GNAQ: variants seen among roughly 807,000 people sequenced by gnomAD.
GNAQ encodes the protein guanine nucleotide-binding protein G(q) subunit alpha.
A neutral mutation model predicts 43.9 loss-of-function variants in GNAQ; 8 were observed. The ratio of observed to expected loss-of-function variants is 0.18; its 90% confidence interval spans 0.11 to 0.33. The LOEUF (loss-of-function observed/expected upper bound fraction) is 0.33. Ranked by LOEUF, GNAQ falls within the 10% of genes least tolerant of loss-of-function variation. The probability of loss-of-function intolerance (pLI) is 1.00; values close to 1 mark genes in which losing one functional copy is unlikely to be tolerated. For synonymous variants in GNAQ, 155 were observed against 170.7 expected (o/e 0.91, Z 0.71); for missense variants, 158 against 450.8 (o/e 0.35, Z 5.88).
At chr9:77,990,630 A>T (rs1483667013) in intron 1 of GNAQ, among the ~76,000 whole-genome samples, 1 of 152,238 alleles carries the variant, frequency 6.6e-6, no homozygotes, top group Non-Finnish European at 1.5e-5. Context: ...TGCATATTTG[A>T]ATGCATGTAT....
At chr9:77,815,181 G>A (rs1321945322) in intron 3 of GNAQ, among the ~76,000 whole-genome samples, 1 of 152,224 alleles carries the variant, frequency 6.6e-6, no homozygotes, top group Non-Finnish European at 1.5e-5. Flanking sequence ...GATGTTTTAA[G>A]AAGCCATAAT....
intron 2 of GNAQ, among the ~76,000 whole-genome samples, chr9:77,874,133 C>CAAAAAAACA (rs1828091876): frequency 6.6e-6 from 1 of 150,868 alleles, no homozygotes; most frequent in African/African-American, 2.4e-5. Context: ...AACAAAAAAA[C>CAAAAAAACA]AAAAAAACAA....
rs535161130 is a variant in GNAQ at position 78,025,698 on chromosome 9, T to C, written c.136+5402A>G. Reference sequence around the variant, plus strand: ...CCTAACCTCCTTATAAAATGGCTTCTGTCTCTTCCAAGATGTACCCTTTGA... The same window carrying C: ...CCTAACCTCCTTATAAAATGGCTTCCGTCTCTTCCAAGATGTACCCTTTGA... On this transcript the variant is annotated intron_variant, in intron 1 of 6. Coordinates refer to ENST00000286548, the MANE Select transcript of GNAQ (RefSeq NM_002072.5). Among the ~76,000 whole-genome samples, 4 of 152,340 alleles carry C rather than the reference T, an allele frequency of 2.6e-5. No individual in the cohort carries two copies. In the East Asian group the frequency reaches 7.7e-4, roughly 29 times the overall value.
At chr9:77,882,159 C>CAAAT (rs1234381091) in intron 2 of GNAQ, among the ~76,000 whole-genome samples, 7 of 150,620 alleles carry the variant, frequency 4.6e-5, no homozygotes, top group Non-Finnish European at 1.0e-4. Flanking sequence ...CAAACACAAA[C>CAAAT]AAATAAAAAA....
chr9:77,787,058 A>G (rs1194511461), intron 5 of GNAQ, among the ~76,000 whole-genome samples: 1 of 152,234 alleles, frequency 6.6e-6, no homozygotes, highest in East Asian at 1.9e-4. Flanking sequence ...TATTGAGCAA[A>G]AGAATCTAGA....
chr9:77,981,931 T>C (rs1017588965), intron 1 of GNAQ, among the ~76,000 whole-genome samples: 1 of 152,248 alleles, frequency 6.6e-6, no homozygotes, highest in African/African-American at 2.4e-5. Flanking sequence ...TGTGGAATTA[T>C]GAATTTAACA....
chr9:77,915,644 G>A (rs907716780), intron 2 of GNAQ, among the ~76,000 whole-genome samples: 7 of 151,884 alleles, frequency 4.6e-5, no homozygotes, highest in Non-Finnish European at 1.0e-4. Flanking sequence ...TGAAGCTGGC[G>A]GGGGTGGGGG....
At chr9:77,932,963 G>C (rs773561706) in intron 1 of GNAQ, among the ~76,000 whole-genome samples, 1 of 152,138 alleles carries the variant, frequency 6.6e-6, no homozygotes, top group Non-Finnish European at 1.5e-5. Context: ...AGATGACATA[G>C]GGAGAACTCG....
intron 2 of GNAQ, among the ~76,000 whole-genome samples, chr9:77,874,128 A>AAAAACAAAAAAACAAAAAAACAAG (rs1828091487): frequency 6.6e-6 from 1 of 152,002 alleles, no homozygotes; most frequent in African/African-American, 2.4e-5. Flanking sequence ...AAAAAAACAA[A>AAAAACAAAAAAACAAAAAAACAAG]AAAACAAAAA....
intron 2 of GNAQ, among the ~76,000 whole-genome samples, chr9:77,907,487 T>TC (rs1385116352): frequency 6.6e-6 from 1 of 152,160 alleles, no homozygotes; most frequent in Non-Finnish European, 1.5e-5. Context: ...ATCTTGCCTC[T>TC]CCAATGAGAC....
chr9:77,784,425 T>C (rs1826442659), intron 5 of GNAQ, among the ~76,000 whole-genome samples: 2 of 152,328 alleles, frequency 1.3e-5, no homozygotes, highest in South Asian at 4.1e-4. Flanking sequence ...AAAAATTTTA[T>C]GTCCGTGGTT....
intron 1 of GNAQ, among the ~76,000 whole-genome samples, chr9:77,959,859 C>T (rs1384053206): frequency 5.3e-5 from 8 of 152,136 alleles, no homozygotes; most frequent in Non-Finnish European, 1.5e-5. Flanking sequence ...TCAGGCCCCC[C>T]AAAAAGGTGG....
intron 5 of GNAQ, among the ~76,000 whole-genome samples, chr9:77,746,546 TAC>T (rs1825732920): frequency 6.6e-6 from 1 of 152,054 alleles, no homozygotes; most frequent in Admixed American, 6.6e-5. Context: ...GCTAGAGATA[TAC>T]ACACACAAAG....
intron 1 of GNAQ, among the ~76,000 whole-genome samples, chr9:77,947,384 A>G (rs1822917844): frequency 6.6e-6 from 1 of 152,112 alleles, no homozygotes; most frequent in East Asian, 1.9e-4. Context: ...TCAAAACACC[A>G]CAAGCATGAC....
intron 5 of GNAQ, among the ~76,000 whole-genome samples, chr9:77,740,625 T>C (rs564718296): frequency 1.5e-3 from 234 of 152,342 alleles, no homozygotes; most frequent in African/African-American, 5.4e-3. Context: ...GGCCATGTTA[T>C]ATTATTTTTA....
chr9:77,840,598 A>C (rs2117879797), intron 2 of GNAQ, among the ~76,000 whole-genome samples: 1 of 152,256 alleles, frequency 6.6e-6, no homozygotes, highest in East Asian at 1.9e-4. Context: ...CGGCCTCCCA[A>C]AGTGCTGGGA....
intron 1 of GNAQ, among the ~76,000 whole-genome samples, chr9:77,970,837 T>A (rs962184919): frequency 6.6e-6 from 1 of 150,426 alleles, no homozygotes; most frequent in Admixed American, 6.6e-5. Context: ...TCAAAAAAAA[T>A]CAATGAATCC....
chr9:77,772,198 C>T (rs1453742384), intron 5 of GNAQ, among the ~76,000 whole-genome samples: 9 of 152,196 alleles, frequency 5.9e-5, no homozygotes, highest in Non-Finnish European at 8.8e-5. Flanking sequence ...ACGAAAGTTT[C>T]ATGAAACAAT....
chr9:77,735,568 G>A (rs989958121), intron 5 of GNAQ, among the ~76,000 whole-genome samples: 1 of 152,168 alleles, frequency 6.6e-6, no homozygotes, highest in African/African-American at 2.4e-5. Flanking sequence ...TTAGGGAAAA[G>A]CTTGCTGTGT....
Sources: gnomAD v4.1 joint callset for allele counts (sites outside exome capture counted in the v4.1 genomes callset) on GRCh38, gnomAD v4.1.1 for gene constraint, MANE v1.5 for transcripts, NCBI Gene and HGNC (gene_info 2026-07-23, HGNC 2026-07-21) for gene names.